TIAM1: variants seen among roughly 807,000 people sequenced by gnomAD.
TIAM1 encodes the protein rho guanine nucleotide exchange factor TIAM1.
A neutral mutation model predicts 163.5 loss-of-function variants in TIAM1; 65 were observed. The observed-to-expected ratio is 0.40, with a 90% CI of 0.33 to 0.49. The LOEUF is 0.49. Ranked by LOEUF, TIAM1 falls within the 20% of genes least tolerant of loss-of-function variation. TIAM1 has a pLI of 0.77. For missense variants in TIAM1, 1,789 were observed against 2,044.7 expected (o/e 0.87, Z 2.41); for synonymous variants, 833 against 810.1 (o/e 1.03, Z -0.48).
chr21:31,333,987 T>A (rs1290031849), intron 2 of TIAM1, among the ~76,000 whole-genome samples: 1 of 152,230 alleles, frequency 6.6e-6, no homozygotes, highest in Non-Finnish European at 1.5e-5. Context: ...CTTGGCTTGT[T>A]GAGACTTCTG....
At chr21:31,520,263 G>A (rs897953667) in intron 1 of TIAM1, among the ~76,000 whole-genome samples, 2 of 151,726 alleles carry the variant, frequency 1.3e-5, no homozygotes, top group South Asian at 2.1e-4. Flanking sequence ...CCTGGGAGGC[G>A]GAGGTTGTGG....
chr21:31,549,737 CT>C (rs1161363440), intron 1 of TIAM1, among the ~76,000 whole-genome samples: 1 of 152,218 alleles, frequency 6.6e-6, no homozygotes, highest in East Asian at 1.9e-4. Context: ...GGTGCACCCA[CT>C]TTGGGAAATA....
intron 2 of TIAM1, among the ~76,000 whole-genome samples, chr21:31,358,655 T>C (rs1412288670): frequency 6.6e-6 from 1 of 152,030 alleles, no homozygotes; most frequent in East Asian, 1.9e-4. Context: ...TTGCATCCAC[T>C]CTCCAAATAT....
At chr21:31,520,250 G>A (rs1160788918) in intron 1 of TIAM1, among the ~76,000 whole-genome samples, 1 of 151,662 alleles carries the variant, frequency 6.6e-6, no homozygotes, top group Non-Finnish European at 1.5e-5. Context: ...AGAATCGCTT[G>A]AACCTGGGAG....
At chr21:31,148,354 A>G (rs1311047489) in intron 19 of TIAM1, among the ~76,000 whole-genome samples, 1 of 152,064 alleles carries the variant, frequency 6.6e-6, no homozygotes, top group African/African-American at 2.4e-5. Context: ...AGGAGATCTG[A>G]TGGTTTTTAT....
chr21:31,387,134 G>A (rs980307121), intron 2 of TIAM1, among the ~76,000 whole-genome samples: 11 of 148,540 alleles, frequency 7.4e-5, no homozygotes, highest in Admixed American at 4.0e-4. Context: ...GGGAGCCCCC[G>A]TCCCACCCCG....
chr21:31,547,315 G>C (rs2048532974), intron 1 of TIAM1, among the ~76,000 whole-genome samples: 1 of 152,170 alleles, frequency 6.6e-6, no homozygotes, highest in Non-Finnish European at 1.5e-5. Flanking sequence ...CCAAGAAAGA[G>C]ACTGTCATTT....
intron 27 of TIAM1, among the ~76,000 whole-genome samples, chr21:31,122,453 T>C (rs759558125): frequency 2.6e-5 from 4 of 152,144 alleles, no homozygotes; most frequent in Non-Finnish European, 5.9e-5. Flanking sequence ...AGGAGTAAAG[T>C]GTGTTAATGT....
chr21:31,479,043 G>A (rs1440928184), intron 1 of TIAM1, among the ~76,000 whole-genome samples: 1 of 152,178 alleles, frequency 6.6e-6, no homozygotes, highest in Non-Finnish European at 1.5e-5. Context: ...GAAAGAAATC[G>A]TGAGCCTGGT....
At chr21:31,425,671 TTCTTTCTC>T (rs1397445006) in intron 2 of TIAM1, among the ~76,000 whole-genome samples, 1 of 137,308 alleles carries the variant, frequency 7.3e-6, no homozygotes, top group East Asian at 2.6e-4. Context: ...CTCTCTCTCT[TTCTTTCTC>T]TCTCTCTCTT....
At chr21:31,518,249 A>C (rs1262636162) in intron 1 of TIAM1, among the ~76,000 whole-genome samples, 1 of 152,046 alleles carries the variant, frequency 6.6e-6, no homozygotes, top group Non-Finnish European at 1.5e-5. Flanking sequence ...TGGTCTCAGA[A>C]CTTAAAAAGA....
intron 2 of TIAM1, among the ~76,000 whole-genome samples, chr21:31,335,705 C>CAAAAAAAAAA (rs142300088): frequency 2.4e-4 from 35 of 143,876 alleles, no homozygotes; most frequent in African/African-American, 9.0e-4. Context: ...ACTCTGTCTC[C>CAAAAAAAAAA]AAAAAAAAAG....
chr21:31,357,906 G>A (rs1056637595), intron 2 of TIAM1, among the ~76,000 whole-genome samples: 90 of 152,124 alleles, frequency 5.9e-4, no homozygotes, highest in Admixed American at 5.8e-3. Flanking sequence ...CTGCCTTGCT[G>A]GCTGCCTTTG....
intron 1 of TIAM1, among the ~76,000 whole-genome samples, chr21:31,500,394 G>A (rs1464781363): frequency 1.3e-5 from 2 of 152,098 alleles, no homozygotes; most frequent in East Asian, 1.9e-4. Context: ...CACAGCATCC[G>A]CCATGCAGTA....
chr21:31,519,670 G>A (rs1044893650), intron 1 of TIAM1, among the ~76,000 whole-genome samples: 4 of 152,172 alleles, frequency 2.6e-5, no homozygotes, highest in African/African-American at 9.7e-5. Context: ...TTTGACGCAT[G>A]AACAGATAAG....
At chr21:31,426,515 C>T (rs1332897508) in intron 2 of TIAM1, among the ~76,000 whole-genome samples, 2 of 152,076 alleles carry the variant, frequency 1.3e-5, no homozygotes, top group Non-Finnish European at 1.5e-5. Flanking sequence ...GGAAAGAAAC[C>T]AACTGTGGTC....
chr21:31,406,957 C>T (rs925131749), intron 2 of TIAM1, among the ~76,000 whole-genome samples: 1 of 152,188 alleles, frequency 6.6e-6, no homozygotes, highest in African/African-American at 2.4e-5. Flanking sequence ...AACCATTCTC[C>T]TCCCTTCTTG....
intron 1 of TIAM1, among the ~76,000 whole-genome samples, chr21:31,466,600 T>G (rs1046785610): frequency 6.6e-6 from 1 of 152,134 alleles, no homozygotes; most frequent in Non-Finnish European, 1.5e-5. Flanking sequence ...ACAGAGGTCC[T>G]GATACCTCGA....
At chr21:31,271,323 T>C (rs902878177) in intron 3 of TIAM1, among the ~76,000 whole-genome samples, 28 of 152,008 alleles carry the variant, frequency 1.8e-4, no homozygotes, top group African/African-American at 4.6e-4. Flanking sequence ...CAATGCAACA[T>C]AGGTGAGAAC....
Sources: gnomAD v4.1 joint callset for allele counts (sites outside exome capture counted in the v4.1 genomes callset) on GRCh38, gnomAD v4.1.1 for gene constraint, MANE v1.5 for transcripts, NCBI Gene and HGNC (gene_info 2026-07-23, HGNC 2026-07-21) for gene names.